Variants in APBA2 observed in about 807,000 individuals in gnomAD.
APBA2 encodes the protein amyloid-beta A4 precursor protein-binding family A member 2.
APBA2 carries 30 observed loss-of-function variants against 75.0 expected under a neutral mutation model. That is an observed-to-expected ratio of 0.40 (90% CI 0.30 to 0.54). The LOEUF (loss-of-function observed/expected upper bound fraction) is 0.54, where lower values mean the gene tolerates loss of function less well. APBA2 is among the 20% of genes least tolerant of loss of function. APBA2 has a pLI of 0.49. For missense variants in APBA2, 801 were observed against 1,016.1 expected (o/e 0.79, Z 2.88); for synonymous variants, 444 against 409.6 (o/e 1.08, Z -1.01).
At chr15:29,116,816 C>T (rs1034137191) in intron 14 of APBA2, among the ~76,000 whole-genome samples, 9 of 152,118 alleles carry the variant, frequency 5.9e-5, no homozygotes, top group Admixed American at 5.9e-4. Context: ...GGACTGGAAG[C>T]AAAACTAGCA....
rs150377259 is a variant in APBA2, at chr15:28,960,507, T to C, written c.-94-35246T>C. On this transcript the variant is annotated intron_variant, in intron 2 of 14. Transcript: ENST00000683413. ...CTTTGAATTCTCATAATCATAATCATATGACATCTGTCTACCTTAGAAACC... is the reference window on the plus strand; with the variant it reads ...CTTTGAATTCTCATAATCATAATCACATGACATCTGTCTACCTTAGAAACC... Among the ~76,000 whole-genome samples, 278 of 151,768 alleles carry C rather than the reference T, an allele frequency of 1.8e-3. 2 individuals are homozygous for C. The highest frequency in any genetic ancestry group is 6.4e-3 in the African/African-American group (264 of 41,294).
chr15:29,046,270 A>G lies in APBA2; in HGVS notation c.-40-7575A>G, dbSNP rs995747123. ...AGTAGGAGAACACTTTCTTTGAAAGAACCACTTGTTTCTACCTACGTTTTT... is the reference window on the plus strand; with the variant it reads ...AGTAGGAGAACACTTTCTTTGAAAGGACCACTTGTTTCTACCTACGTTTTT... On this transcript the variant is annotated intron_variant, in intron 3 of 14. Coordinates refer to ENST00000683413, the MANE Select transcript of APBA2 (RefSeq NM_001353788.2). The surrounding 1 kb of genome is among the most constrained non-coding windows in gnomAD (Gnocchi z 5.0). Among the ~76,000 whole-genome samples, 1 of 152,230 alleles carries G rather than the reference A, an allele frequency of 6.6e-6. No homozygotes were observed. Among genetic ancestry groups the G allele is most frequent in the African/African-American group, 2.4e-5 (1 of 41,448 alleles).
At chr15:28,970,858 T>C (rs903964294) in intron 2 of APBA2, among the ~76,000 whole-genome samples, 1 of 151,976 alleles carries the variant, frequency 6.6e-6, no homozygotes, top group African/African-American at 2.4e-5. Flanking sequence ...CCTGCCAGTC[T>C]CAGTGCCGCT....
intron 1 of APBA2, among the ~76,000 whole-genome samples, chr15:28,903,278 T>C (rs901435153): frequency 3.3e-5 from 5 of 152,208 alleles, no homozygotes; most frequent in African/African-American, 1.2e-4. Context: ...GGGGGTGATA[T>C]TGGTCACGAT....
chr15:29,114,833 TGA>T (rs1034971884), intron 14 of APBA2, among the ~76,000 whole-genome samples: 40 of 149,724 alleles, frequency 2.7e-4, no homozygotes, highest in East Asian at 2.6e-3. Context: ...CGTGTGTGTG[TGA>T]GAGCATGGGG....
rs1226026156 is a variant in APBA2, at chr15:29,069,209, AATGATATTCC to A, written c.952-5710_952-5701del. 1.2e-4 allele frequency among the ~76,000 whole-genome samples: 19 copies of A among 152,302 alleles called. No homozygotes were observed. In the Middle Eastern group the frequency reaches 0.01, roughly 82 times the overall value. On this transcript the variant is annotated intron_variant, in intron 4 of 14. Transcript: ENST00000683413. ...AGTACTTTGTTCATTTTTGTGGCTGAATGATATTCCACTGAATGGCTATTTTACATTTTAT... is the reference window on the plus strand; with the variant it reads ...AGTACTTTGTTCATTTTTGTGGCTGAACTGAATGGCTATTTTACATTTTAT...
At chr15:28,986,397 C>T (rs969675569) in intron 2 of APBA2, among the ~76,000 whole-genome samples, 1 of 152,184 alleles carries the variant, frequency 6.6e-6, no homozygotes, top group Non-Finnish European at 1.5e-5. Flanking sequence ...ATGCCTGTTT[C>T]GTAGGAACAC....
intron 11 of APBA2, 60 bp downstream of exon 11, chr15:29,105,618 C>T: frequency 6.3e-7 from 1 of 1,591,610 alleles, no homozygotes; most frequent in Non-Finnish European, 8.6e-7. Flanking sequence ...TCCCTGAGCT[C>T]CTGCAGAGCG....
intron 8 of APBA2, among the ~76,000 whole-genome samples, chr15:29,096,994 C>G (rs1423515310): frequency 6.6e-6 from 1 of 152,244 alleles, no homozygotes; most frequent in Admixed American, 6.5e-5. Context: ...CGTCTCACAA[C>G]CATATGCCAG....
Position 29,054,207 on chromosome 15 carries a change from A to T in APBA2, c.323A>T (p.Asp108Val). ...TACATCCGCTACTGCCCTGAGGACG[A>T]CAGCTACCTAGAGGGCATGGACTGC... Reference protein sequence around the residue: ...TYYIRYCPEDDSYLEGMDCNG... With the variant: ...TYYIRYCPEDVSYLEGMDCNG... Residue 108 changes from aspartate to valine, a missense_variant, in exon 4 of 15, where the codon GAC becomes GTC. By Grantham distance (152) the Asp-to-Val change is radical (BLOSUM62 -3). Transcript: ENST00000683413. This position sits in a 1 kb window ranked among gnomAD's most constrained non-coding sequence, Gnocchi z 6.1. 1 of 1,614,168 alleles carries T rather than the reference A, an allele frequency of 6.2e-7. No individual in the cohort carries two copies. Among genetic ancestry groups the T allele is most frequent in the South Asian group, 1.1e-5 (1 of 91,086 alleles).
At chr15:28,927,805 G>A (rs2034352801) in intron 2 of APBA2, among the ~76,000 whole-genome samples, 3 of 151,860 alleles carry the variant, frequency 2.0e-5, no homozygotes, top group African/African-American at 7.3e-5. Flanking sequence ...ATTATTTTCA[G>A]CCATGTTGAT....
intron 2 of APBA2, among the ~76,000 whole-genome samples, chr15:28,969,173 TTTCTTTC>T (rs2152749123): frequency 8.0e-6 from 1 of 125,662 alleles, no homozygotes; most frequent in South Asian, 2.3e-4. Flanking sequence ...TCTTTCTTTC[TTTCTTTC>T]TTTTTTTTAT....
intron 2 of APBA2, among the ~76,000 whole-genome samples, chr15:28,982,844 G>C (rs2037698570): frequency 6.6e-6 from 1 of 152,232 alleles, no homozygotes; most frequent in African/African-American, 2.4e-5. Context: ...TGTCCAGCCT[G>C]CTCTATAGAA....
intron 13 of APBA2, among the ~76,000 whole-genome samples, chr15:29,110,657 G>A (rs1017941494): frequency 3.3e-5 from 5 of 152,332 alleles, no homozygotes; most frequent in African/African-American, 1.2e-4. Context: ...GCACACAGAG[G>A]TTTAGTGACT....
chr15:28,959,471 C>T (rs976611152), intron 2 of APBA2, among the ~76,000 whole-genome samples: 3 of 152,190 alleles, frequency 2.0e-5, no homozygotes, highest in African/African-American at 7.2e-5. Context: ...GATTCAGACA[C>T]AGACAGGCAC....
chr15:29,044,667 A>G (rs1352913985), intron 3 of APBA2, among the ~76,000 whole-genome samples: 4 of 152,204 alleles, frequency 2.6e-5, no homozygotes, highest in Admixed American at 2.6e-4. Context: ...AGACAGCGTC[A>G]AAGGGTCCTG....
intron 3 of APBA2, among the ~76,000 whole-genome samples, chr15:29,028,347 G>A (rs1057139147): frequency 6.6e-6 from 1 of 152,060 alleles, no homozygotes; most frequent in East Asian, 1.9e-4. Flanking sequence ...CCTTTGTATG[G>A]CTGCATAGTA....
chr15:29,099,931 G>A, intron 9 of APBA2, among the ~76,000 whole-genome samples: 1 of 152,202 alleles, frequency 6.6e-6, no homozygotes, highest in East Asian at 1.9e-4. Flanking sequence ...CTCCTAGGCT[G>A]GCCCAGTTCA....
chr15:28,924,148 G>A (rs2034130421), intron 2 of APBA2, among the ~76,000 whole-genome samples: 1 of 152,150 alleles, frequency 6.6e-6, no homozygotes, highest in Non-Finnish European at 1.5e-5. Context: ...AGTGCTGGCA[G>A]CCCTGGTGCT....
Sources: gnomAD v4.1 joint callset for allele counts (sites outside exome capture counted in the v4.1 genomes callset) on GRCh38, gnomAD v4.1.1 for gene constraint, Gnocchi (gnomAD v3.1) non-coding constraint, MANE v1.5 for transcripts, NCBI Gene and HGNC (gene_info 2026-07-23, HGNC 2026-07-21) for gene names.